INSL6: variants seen among roughly 807,000 people sequenced by gnomAD.
INSL6 encodes the protein insulin like 6, also known as insulin-like peptide INSL6.
Under a neutral mutation model 9.4 loss-of-function variants are expected in INSL6, and 16 were observed. The observed-to-expected ratio is 1.70, with a 90% CI of 1.15 to 2.59. The LOEUF is 2.59. INSL6 is among the 30% of genes most tolerant of loss of function. The pLI is 0.00. For missense variants in INSL6, 391 were observed against 257.3 expected (o/e 1.52, Z -3.56); for synonymous variants, 154 against 96.9 (o/e 1.59, Z -3.46).
the INSL6 span, chr9:5,108,998 T>C: frequency 6.6e-6 from 1 of 152,130 alleles, no homozygotes; most frequent in Non-Finnish European, 1.5e-5. Flanking sequence ...TCATGATGAC[T>C]TCTAGCAAAT....
chr9:5,104,618 T>C, the INSL6 span, among the ~76,000 whole-genome samples: 1 of 152,130 alleles, frequency 6.6e-6, no homozygotes, highest in South Asian at 2.1e-4. Context: ...AAAATAATTT[T>C]AGACCAATAT....
At chr9:5,154,652 C>A (rs1824780424) in intron 2 of INSL6, among the ~76,000 whole-genome samples, 1 of 152,036 alleles carries the variant, frequency 6.6e-6, no homozygotes, top group African/African-American at 2.4e-5. Context: ...ACCCCATCAA[C>A]AACTGGACGA....
the INSL6 span, among the ~76,000 whole-genome samples, chr9:5,029,097 T>G: frequency 6.6e-6 from 1 of 152,242 alleles, no homozygotes; most frequent in Non-Finnish European, 1.5e-5. Context: ...TATTTCTAGC[T>G]TTTGATTTAA....
the INSL6 span, among the ~76,000 whole-genome samples, chr9:5,035,394 T>G: frequency 6.6e-6 from 1 of 152,326 alleles, no homozygotes; most frequent in East Asian, 1.9e-4. Context: ...GAGGCCAGCA[T>G]CATCCTGATA....
At chr9:5,179,574 G>A (rs1336755442) in intron 1 of INSL6, among the ~76,000 whole-genome samples, 1 of 152,188 alleles carries the variant, frequency 6.6e-6, no homozygotes, top group Non-Finnish European at 1.5e-5. Context: ...ATTCACAATA[G>A]CAAAGACATG....
At chr9:5,111,542 G>A in the INSL6 span, 76 of 368,738 alleles carry the variant, frequency 2.1e-4, no homozygotes, top group African/African-American at 1.3e-3. Flanking sequence ...CGCCTGTCCC[G>A]CCCCCTTCTA....
chr9:5,115,329 A>G, the INSL6 span, among the ~76,000 whole-genome samples: 2 of 152,210 alleles, frequency 1.3e-5, no homozygotes, highest in South Asian at 2.1e-4. Context: ...ATCACTGGTC[A>G]TCAGAGAAAT....
chr9:5,166,179 C>CAG (rs758039986), intron 1 of INSL6, among the ~76,000 whole-genome samples: 1 of 152,246 alleles, frequency 6.6e-6, no homozygotes, highest in South Asian at 2.1e-4. Context: ...AAAAGATTCA[C>CAG]AGAGAGAGAG....
intron 1 of INSL6, among the ~76,000 whole-genome samples, chr9:5,184,118 T>C (rs1825516153): frequency 6.6e-6 from 1 of 152,222 alleles, no homozygotes; most frequent in South Asian, 2.1e-4. Context: ...GTTTTTATTC[T>C]TTCAGCAACA....
At chr9:5,054,904 T>G in the INSL6 span, 4 of 1,501,100 alleles carry the variant, frequency 2.7e-6, no homozygotes, top group African/African-American at 1.4e-5. This position sits in a 1 kb window ranked among gnomAD's most constrained non-coding sequence, Gnocchi z 4.9. Context: ...AATGATATGT[T>G]CTTGTTCTTT....
rs1322216989 is a variant in INSL6 at position 5,147,902 on chromosome 9, GTCTT to G, written c.377-14314_377-14311del. 7.9e-5 allele frequency among the ~76,000 whole-genome samples: 12 copies of G among 152,262 alleles called. 1 individual carries two copies. The South Asian group carries it at 2.3e-3, about 29-fold the overall frequency. ...TTTCTCCTCAATAAGTTCAGTTTGA[GTCTT>G]TCTTAAAATGGGTGTTTTGCCTTTC... On this transcript the variant is annotated intron_variant, in intron 2 of 3. Coordinates refer to the INSL6 transcript ENST00000649639.
the INSL6 span, chr9:5,110,780 G>C: frequency 7.6e-6 from 3 of 395,786 alleles, no homozygotes; most frequent in East Asian, 6.0e-5. Context: ...GGAGTGGTAA[G>C]GGCCCGGGCC....
chr9:5,073,267 C>A, the INSL6 span, among the ~76,000 whole-genome samples: 1 of 152,300 alleles, frequency 6.6e-6, no homozygotes, highest in South Asian at 2.1e-4. Context: ...TAAAACTATG[C>A]TAGTATCCTG....
At chr9:5,145,425 T>C (rs893099546) in intron 2 of INSL6, among the ~76,000 whole-genome samples, 2 of 152,206 alleles carry the variant, frequency 1.3e-5, no homozygotes, top group African/African-American at 2.4e-5. Context: ...ATTCTGATGA[T>C]TAAGCATCCT....
chr9:5,056,263 T>G, the INSL6 span, among the ~76,000 whole-genome samples: 2 of 152,110 alleles, frequency 1.3e-5, no homozygotes, highest in African/African-American at 4.8e-5. Context: ...TTCTAAAAGA[T>G]TAACGCTTTC....
At chr9:5,105,404 GA>G in the INSL6 span, among the ~76,000 whole-genome samples, 1 of 152,192 alleles carries the variant, frequency 6.6e-6, no homozygotes, top group Non-Finnish European at 1.5e-5. Context: ...ACTGCTCAAT[GA>G]AATACAAGAG....
chr9:5,091,219 G>C, the INSL6 span: 1 of 194,296 alleles, frequency 5.1e-6, no homozygotes, highest in East Asian at 1.3e-4. Context: ...TTGTGGTATT[G>C]TGTTGAATTT....
intron 2 of INSL6, among the ~76,000 whole-genome samples, chr9:5,157,938 A>G (rs1824846308): frequency 6.6e-6 from 1 of 152,182 alleles, no homozygotes. Context: ...GGAAACCCAA[A>G]TAAATTAAAA....
chr9:5,004,339 A>G, the INSL6 span, among the ~76,000 whole-genome samples: 1,574 of 152,180 alleles, frequency 0.01, 22 homozygotes, highest in African/African-American at 0.035. Flanking sequence ...CTCTGCTTCT[A>G]TGATTTCTAC....
Sources: gnomAD v4.1 joint callset for allele counts (sites outside exome capture counted in the v4.1 genomes callset) on GRCh38, gnomAD v4.1.1 for gene constraint, Gnocchi (gnomAD v3.1) non-coding constraint, MANE v1.5 for transcripts, NCBI Gene and HGNC (gene_info 2026-07-23, HGNC 2026-07-21) for gene names.